MAML1: variants seen among roughly 807,000 people sequenced by gnomAD.
The protein encoded by MAML1 is mastermind-like protein 1.
MAML1 carries 14 observed loss-of-function variants against 77.1 expected under a neutral mutation model. That is an observed-to-expected ratio of 0.18 (90% CI 0.12 to 0.28). MAML1 has a LOEUF of 0.28. Among genes scored for constraint, MAML1 ranks in the 10% least tolerant of loss-of-function variants. The pLI, the probability that MAML1 is intolerant of heterozygous loss-of-function variation, is 1.00. For synonymous variants in MAML1, 516 were observed against 551.9 expected, an observed-to-expected ratio of 0.93 and a Z score of 0.91; for missense variants, 1,217 against 1,327.8, an observed-to-expected ratio of 0.92 and a Z score of 1.30.
intron 1 of MAML1, among the ~76,000 whole-genome samples, chr5:179,761,117 G>C (rs1447238932): frequency 6.6e-6 from 1 of 152,018 alleles, no homozygotes; most frequent in African/African-American, 2.4e-5. Context: ...AAGGAGGCCA[G>C]GTGCAATGGC....
chr5:179,760,822 T>C (rs1779709888), intron 1 of MAML1, among the ~76,000 whole-genome samples: 1 of 152,330 alleles, frequency 6.6e-6, no homozygotes, highest in South Asian at 2.1e-4. Flanking sequence ...CCGGGCGCAG[T>C]GGCTCATGCC....
At chr5:179,754,151 C>T (rs1220132985) in intron 1 of MAML1, among the ~76,000 whole-genome samples, 4 of 152,084 alleles carry the variant, frequency 2.6e-5, no homozygotes, top group Non-Finnish European at 4.4e-5. Flanking sequence ...GGTGTGGTGG[C>T]TCCATCTGTA....
rs777540931 is a variant in MAML1 at position 179,765,717 on chromosome 5, C to T, written c.707C>T (p.Ser236Leu). 22 of 1,613,742 alleles carry T rather than the reference C, an allele frequency of 1.4e-5. No individual in the cohort carries two copies. The highest frequency in any genetic ancestry group is 1.8e-5 in the Non-Finnish European group (21 of 1,179,862). Residue 236 changes from serine (S) to leucine (L), a missense_variant, in exon 2 of 5, where the codon TCG becomes TTG. Physicochemically the swap from Ser to Leu is moderately radical, Grantham distance 145. Coordinates refer to ENST00000292599, the MANE Select transcript of MAML1 (RefSeq NM_014757.5). Reference protein sequence around the residue: ...CMITGTVGSISQSNLMPDLNL... With the variant: ...CMITGTVGSILQSNLMPDLNL... ...ATCACTGGGACTGTCGGCTCCATAT[C>T]GCAAAGCAACCTCATGCCAGACCTC... is the stretch of plus-strand genomic sequence containing the variant.
At chr5:179,772,656 A>G (rs1366669812) in intron 4 of MAML1, among the ~76,000 whole-genome samples, 1 of 152,142 alleles carries the variant, frequency 6.6e-6, no homozygotes, top group Non-Finnish European at 1.5e-5. Context: ...TACTCAGTGA[A>G]GATCTGGTAA....
At chr5:179,742,193 T>C (rs1162269722) in intron 1 of MAML1, among the ~76,000 whole-genome samples, 1 of 151,138 alleles carries the variant, frequency 6.6e-6, no homozygotes, top group Admixed American at 6.6e-5. Flanking sequence ...ATTTGCTTTA[T>C]TAAGAACATT....
intron 1 of MAML1, among the ~76,000 whole-genome samples, chr5:179,746,378 G>A (rs547208769): frequency 6.6e-6 from 1 of 152,132 alleles, no homozygotes; most frequent in Admixed American, 6.5e-5. Context: ...TTATAGCAAT[G>A]TTTTGTTTTT....
At chr5:179,773,778 C>T (rs1756057884) in intron 4 of MAML1, 117 bp from the exon 5 acceptor site, 1 of 1,503,626 alleles carries the variant, frequency 6.7e-7, no homozygotes, top group Non-Finnish European at 8.8e-7. Flanking sequence ...CCCCATGGCC[C>T]CCGGGGCCCT....
At chr5:179,760,441 G>A (rs1457763465) in intron 1 of MAML1, among the ~76,000 whole-genome samples, 1 of 152,108 alleles carries the variant, frequency 6.6e-6, no homozygotes. Flanking sequence ...GAGGCCCCAG[G>A]CAGCACTGAG....
intron 1 of MAML1, among the ~76,000 whole-genome samples, chr5:179,748,369 A>G (rs564524094): frequency 4.0e-5 from 6 of 150,532 alleles, no homozygotes; most frequent in Non-Finnish European, 8.8e-5. Context: ...GCCATGAGCC[A>G]CTGCACCCAG....
At chr5:179,764,995 ATGTGTGTGTG>A (rs34922506) in intron 1 of MAML1, among the ~76,000 whole-genome samples, 2,239 of 147,674 alleles carry the variant, frequency 0.015, 23 homozygotes, top group Middle Eastern at 0.049. Context: ...TAATATATAT[ATGTGTGTGTG>A]TGTGTGTGTG....
At position 179,775,508 on chromosome 5, in the gene MAML1, G is replaced by T. The variant is rs1386712606; in HGVS notation, c.*631G>T. On this transcript the variant is annotated 3_prime_UTR_variant, in exon 5 of 5. Coordinates refer to ENST00000292599, the MANE Select transcript of MAML1 (RefSeq NM_014757.5). ...AAAATTATTTCCCTAAGTGCAGGCTGTTGACTGCGTATGCCAAAAAGGGAC... is the reference window on the plus strand; with the variant it reads ...AAAATTATTTCCCTAAGTGCAGGCTTTTGACTGCGTATGCCAAAAAGGGAC... 8.1e-6 allele frequency: 8 copies of T among 985,274 alleles called. No individual in the cohort carries two copies. The highest frequency in any genetic ancestry group is 9.6e-6 in the Non-Finnish European group (8 of 829,936). The allele number at this position is 985,274 out of a possible 1,614,324, so 61.0% of individuals were successfully genotyped here.
chr5:179,777,172 C>G lies in MAML1; in HGVS notation c.*2295C>G. On this transcript the variant is annotated 3_prime_UTR_variant, in exon 5 of 5. Coordinates refer to ENST00000292599, the MANE Select transcript of MAML1 (RefSeq NM_014757.5). Reference sequence around the variant, plus strand: ...TTGTCATCAAAAGTTCATAAAAGTCCTATTAATCCCCATATTCTTCTACTG... The same window carrying G: ...TTGTCATCAAAAGTTCATAAAAGTCGTATTAATCCCCATATTCTTCTACTG... The G allele has an allele frequency of 1.0e-6, 1 of 982,532 alleles. No individual in the cohort carries two copies. Among genetic ancestry groups the G allele is most frequent in the Non-Finnish European group, 1.2e-6 (1 of 827,146 alleles). 60.9% of individuals were successfully genotyped at this position (982,532 alleles called of 1,614,324 possible). A position where few individuals can be genotyped will look rare whatever the true frequency, so the allele number is the denominator to read the frequency against.
At chr5:179,768,259 C>A (rs576051723) in intron 2 of MAML1, among the ~76,000 whole-genome samples, 32 of 152,220 alleles carry the variant, frequency 2.1e-4, no homozygotes, top group African/African-American at 7.5e-4. Flanking sequence ...GAGTTCGAGA[C>A]CAGCGTGACC....
intron 1 of MAML1, among the ~76,000 whole-genome samples, chr5:179,762,839 C>T (rs1422614829): frequency 6.6e-6 from 1 of 152,208 alleles, no homozygotes; most frequent in Non-Finnish European, 1.5e-5. Flanking sequence ...CTCCTATCCC[C>T]GTCTACGTTA....
rs1441507714 is a variant in MAML1 at position 179,771,518 on chromosome 5, T to G, written c.2068+275T>G. Among the ~76,000 whole-genome samples the G allele has an allele frequency of 6.6e-6, 1 of 152,242 alleles. No individual in the cohort carries two copies. Among genetic ancestry groups the G allele is most frequent in the Non-Finnish European group, 1.5e-5 (1 of 68,032 alleles). On this transcript the variant is annotated intron_variant, in intron 4 of 4. Transcript: ENST00000292599. The surrounding 1 kb of genome is among the most constrained non-coding windows in gnomAD (Gnocchi z 4.7). ...TCATTTCTAGTTGGAGGACATCTTA[T>G]CAGCAGGAAATAGCTTCTGTAATTC...
At chr5:179,761,472 G>A (rs543146455) in intron 1 of MAML1, among the ~76,000 whole-genome samples, 2 of 152,232 alleles carry the variant, frequency 1.3e-5, no homozygotes, top group South Asian at 4.1e-4. Context: ...CGAGGTGAGC[G>A]GATCACCTGA....
Position 179,769,026 on chromosome 5 carries a change from G to T in MAML1, c.1908G>T (p.Gln636His). Residue 636 changes from glutamine to histidine, a missense_variant, in exon 3 of 5, where the codon CAG becomes CAT. By Grantham distance (24) the Gln-to-His change is conservative (BLOSUM62 0). This residue lies in a region of MAML1 where 884 missense variants were observed against 949.3 expected (regional missense o/e 0.93). Coordinates refer to ENST00000292599, the MANE Select transcript of MAML1 (RefSeq NM_014757.5). This position sits in a 1 kb window ranked among gnomAD's most constrained non-coding sequence, Gnocchi z 4.2. Reference sequence around the variant, plus strand: ...TGGACCAACAGAAACAAAGGGAGCAGCAGCAAAAGCATTTACAGCAACAGC... The same window carrying T: ...TGGACCAACAGAAACAAAGGGAGCATCAGCAAAAGCATTTACAGCAACAGC... ...LLLDQQKQRE[Q>H]QQKHLQQQQF... 1 of 1,614,218 alleles carries T rather than the reference G, an allele frequency of 6.2e-7. No homozygotes were observed. The highest frequency in any genetic ancestry group is 8.5e-7 in the Non-Finnish European group (1 of 1,180,042).
chr5:179,735,770 C>T (rs953676383), intron 1 of MAML1, among the ~76,000 whole-genome samples: 2 of 152,088 alleles, frequency 1.3e-5, no homozygotes, highest in Non-Finnish European at 2.9e-5. Context: ...TCACTGCAAC[C>T]TCTGCCTCCC....
At position 179,765,509 on chromosome 5, in the gene MAML1, CCTT is replaced by C; in HGVS notation, c.502_504del (p.Ser168del). 1 of 1,614,078 alleles carries C rather than the reference CCTT, an allele frequency of 6.2e-7. No individual in the cohort carries two copies. The highest frequency in any genetic ancestry group is 8.5e-7 in the Non-Finnish European group (1 of 1,179,978). ...CTCCCCCCTCGGTCAGTCTGACAAGCCTTCTGGAGCCGACGCCCTGCAGTCCAG... is the reference window on the plus strand; with the variant it reads ...CTCCCCCCTCGGTCAGTCTGACAAGCCTGGAGCCGACGCCCTGCAGTCCAG... On this transcript the variant is annotated inframe_deletion, in exon 2 of 5. Coordinates refer to ENST00000292599, the MANE Select transcript of MAML1 (RefSeq NM_014757.5).
Sources: gnomAD v4.1 joint callset for allele counts (sites outside exome capture counted in the v4.1 genomes callset) on GRCh38, gnomAD v4.1.1 for gene constraint, gnomAD v4.1.1 regional missense constraint, Gnocchi (gnomAD v3.1) non-coding constraint, MANE v1.5 for transcripts, NCBI Gene and HGNC (gene_info 2026-07-23, HGNC 2026-07-21) for gene names.